SNTG1: variants seen among roughly 807,000 people sequenced by gnomAD.
SNTG1 encodes gamma-1-syntrophin.
SNTG1 carries 39 observed loss-of-function variants against 74.7 expected under a neutral mutation model. The ratio of observed to expected loss-of-function variants is 0.52; its 90% CI spans 0.40 to 0.68. The LOEUF (loss-of-function observed/expected upper bound fraction) is 0.68. Ranked by LOEUF, SNTG1 falls within the 30% of genes least tolerant of loss-of-function variation. The pLI, the probability that SNTG1 is intolerant of heterozygous loss-of-function variation, is 0.00. For missense variants in SNTG1, 685 were observed against 609.5 expected (o/e 1.12, Z -1.30); for synonymous variants, 254 against 217.1 (o/e 1.17, Z -1.49).
intron 1 of SNTG1, among the ~76,000 whole-genome samples, chr8:50,053,235 T>G (rs1298952201): frequency 6.6e-6 from 1 of 152,146 alleles, no homozygotes; most frequent in African/African-American, 2.4e-5. Flanking sequence ...TACAAGGGAA[T>G]AGTCTTTGTC....
At position 50,704,629 on chromosome 8, in the gene SNTG1, G is replaced by A. The variant is rs758129521; in HGVS notation, c.1068G>A (p.Gln356=). 1.7e-5 allele frequency: 28 copies of A among 1,614,162 alleles called. No homozygotes were observed. Among genetic ancestry groups the A allele is most frequent in the South Asian group, 2.2e-5 (2 of 91,084 alleles). The change falls in exon 16 of 19, where the codon CAG becomes CAA. Residue 356 remains glutamine (Q), a synonymous_variant. Transcript: ENST00000642720. ...KDSDLLDRRK[Q]CFTVQSESGE... ...GTGACCTGCTGGACCGACGGAAACA[G>A]TGCTTCACCGTGCAGTCTGAGTCTG...
chr8:50,462,734 C>G (rs1347633435), intron 8 of SNTG1, among the ~76,000 whole-genome samples: 1 of 149,000 alleles, frequency 6.7e-6, no homozygotes, highest in East Asian at 2.0e-4. Flanking sequence ...CAAATCAGCT[C>G]CTCATGTATT....
chr8:50,737,238 TCC>T (rs1224243915), intron 17 of SNTG1, among the ~76,000 whole-genome samples: 2 of 151,872 alleles, frequency 1.3e-5, no homozygotes, highest in Non-Finnish European at 2.9e-5. Flanking sequence ...TTACCACTGA[TCC>T]CACAGAAATA....
chr8:50,048,356 A>G (rs1274727735), intron 1 of SNTG1, among the ~76,000 whole-genome samples: 1 of 152,184 alleles, frequency 6.6e-6, no homozygotes, highest in African/African-American at 2.4e-5. Context: ...GAAATAAGAA[A>G]TCTGACAACT....
At chr8:50,559,794 C>A (rs1434712727) in intron 12 of SNTG1, among the ~76,000 whole-genome samples, 1 of 152,086 alleles carries the variant, frequency 6.6e-6, no homozygotes, top group Admixed American at 6.5e-5. Flanking sequence ...TAGGCAATAC[C>A]TTTCAGTACA....
At chr8:49,935,981 T>G (rs1031146210) in intron 1 of SNTG1, among the ~76,000 whole-genome samples, 2 of 152,228 alleles carry the variant, frequency 1.3e-5, no homozygotes, top group Admixed American at 6.5e-5. Context: ...ATTTACATTT[T>G]AAAGGGACGA....
At chr8:50,035,995 A>T (rs1239562283) in intron 1 of SNTG1, among the ~76,000 whole-genome samples, 2 of 152,168 alleles carry the variant, frequency 1.3e-5, no homozygotes, top group African/African-American at 4.8e-5. Context: ...ATAGGCCATA[A>T]GGAATCAATC....
At chr8:50,257,712 T>G (rs1201183609) in intron 2 of SNTG1, among the ~76,000 whole-genome samples, 1 of 152,006 alleles carries the variant, frequency 6.6e-6, no homozygotes, top group Non-Finnish European at 1.5e-5. Context: ...TAGACATAAG[T>G]GGGAAGAGAG....
In SNTG1 at chr8:50,097,323, G is replaced by T. The variant is rs1202979908; in HGVS notation, c.-102-75238G>T. On this transcript the variant is annotated intron_variant, in intron 1 of 18. Transcript: ENST00000642720. ...TGAATTTGATATAGTCCATGTTGAA[G>T]AATTTGTTTTTGCTAGGAACTAATA... Among the ~76,000 whole-genome samples the T allele has an allele frequency of 5.3e-5, 8 of 152,194 alleles. No homozygotes were observed. The East Asian group carries it at 1.5e-3, about 29-fold the overall frequency.
chr8:50,106,547 T>C (rs939456656), intron 1 of SNTG1, among the ~76,000 whole-genome samples: 7 of 152,182 alleles, frequency 4.6e-5, no homozygotes, highest in African/African-American at 1.7e-4. Flanking sequence ...ACTGCAGATT[T>C]GTCAGAGATG....
intron 15 of SNTG1, among the ~76,000 whole-genome samples, chr8:50,701,102 T>G (rs2095422070): frequency 6.6e-6 from 1 of 151,744 alleles, no homozygotes. Context: ...TAACAAAATT[T>G]TCTGACTAAT....
chr8:50,788,820 G>A (rs1407711763), intron 18 of SNTG1, among the ~76,000 whole-genome samples: 3 of 151,774 alleles, frequency 2.0e-5, no homozygotes, highest in Non-Finnish European at 4.4e-5. Flanking sequence ...TCCTTGAGTT[G>A]TACCCATATA....
chr8:50,708,073 C>T lies in SNTG1; in HGVS notation c.1192-813C>T, dbSNP rs151150019. The T allele has an allele frequency of 1.7e-4, 39 of 231,664 alleles. No individual in the cohort carries two copies. The East Asian group carries it at 2.7e-3, about 16-fold the overall frequency. 14.4% of individuals were successfully genotyped at this position (231,664 alleles called of 1,614,324 possible). Reference sequence around the variant, plus strand: ...AAAATTAGCCAGGCACGGTGGCGGGCGACTGTAATGCCAGTTACTCAGGAG... The same window carrying T: ...AAAATTAGCCAGGCACGGTGGCGGGTGACTGTAATGCCAGTTACTCAGGAG... On this transcript the variant is annotated intron_variant, in intron 16 of 18. Transcript: ENST00000642720.
chr8:50,394,137 T>C, intron 2 of SNTG1, 75 bp from the exon 3 acceptor site: 1 of 1,175,694 alleles, frequency 8.5e-7, no homozygotes, highest in South Asian at 1.4e-5. Context: ...GCTTCACGAT[T>C]TCCTCCACTA....
At chr8:50,039,450 G>C (rs1392761698) in intron 1 of SNTG1, among the ~76,000 whole-genome samples, 1 of 69,696 alleles carries the variant, frequency 1.4e-5, no homozygotes, top group African/African-American at 6.7e-5. Flanking sequence ...GCAAGACTCC[G>C]TCTCAAAAAA....
intron 1 of SNTG1, among the ~76,000 whole-genome samples, chr8:50,126,355 A>G (rs1031722088): frequency 2.6e-5 from 4 of 152,176 alleles, no homozygotes; most frequent in African/African-American, 9.7e-5. Flanking sequence ...TAACTGATAC[A>G]GGAGAAGAAA....
chr8:50,425,392 A>G (rs181701739), intron 4 of SNTG1, among the ~76,000 whole-genome samples: 168 of 152,214 alleles, frequency 1.1e-3, no homozygotes, highest in Non-Finnish European at 2.1e-3. Flanking sequence ...TGCACACGCC[A>G]GGGATCTAGG....
rs1347321799 is a variant in SNTG1, at chr8:50,376,750, T to TAGAG, written c.-27-17461_-27-17460insGAGA. ...TAAATTATATATATATATATATATA[T>TAGAG]ATATATAGAGAGAGAGAGAGAGAGA... On this transcript the variant is annotated intron_variant, in intron 2 of 18. Transcript: ENST00000642720. Among the ~76,000 whole-genome samples, 92 of 102,754 alleles carry TAGAG rather than the reference T, an allele frequency of 9.0e-4. 1 individual carries two copies. The highest frequency in any genetic ancestry group is 2.7e-3 in the African/African-American group (83 of 30,448). The allele number at this position is 102,754 out of a possible 152,430, so 67.4% of individuals were successfully genotyped here.
chr8:50,436,689 C>T (rs986188435), intron 4 of SNTG1, among the ~76,000 whole-genome samples: 10 of 152,074 alleles, frequency 6.6e-5, no homozygotes, highest in African/African-American at 2.2e-4. Context: ...TTGCAATATT[C>T]AACTTCTCTT....
Sources: allele counts gnomAD v4.1 joint callset (sites outside exome capture counted in the v4.1 genomes callset), GRCh38; gene constraint gnomAD v4.1.1; transcripts MANE v1.5; gene names NCBI Gene and HGNC (gene_info 2026-07-23, HGNC 2026-07-21).